Variants in RNF170 observed in about 807,000 individuals in gnomAD.
RNF170 encodes the protein E3 ubiquitin-protein ligase RNF170.
In RNF170, 12 loss-of-function variants were observed where a neutral mutation model predicts 32.7. That is an observed-to-expected ratio of 0.37 (90% CI 0.24 to 0.60). The LOEUF (loss-of-function observed/expected upper bound fraction) is 0.60. Ranked by LOEUF, RNF170 falls within the 20% of genes least tolerant of loss-of-function variation. The pLI, the probability that RNF170 is intolerant of heterozygous loss-of-function variation, is 0.72. For missense variants in RNF170, 212 were observed against 311.2 expected (o/e 0.68, Z 2.40); for synonymous variants, 91 against 103.6 (o/e 0.88, Z 0.74).
chr8:42,861,844 G>A lies in RNF170; in HGVS notation c.408C>T (p.Leu136=), dbSNP rs781762678. ...CPICRQTVTL[L]LTVFGEDDQS... is the part of the protein sequence containing the mutation. ...GATCATCTTCACCAAATACTGTTAG[G>A]AGTAAGGTTACCTGTATATTACAGA... Residue 136 remains leucine, a synonymous_variant, in exon 6 of 7, where the codon CTC becomes CTT. Coordinates refer to ENST00000527424, the MANE Select transcript of RNF170 (RefSeq NM_030954.4). The A allele has an allele frequency of 7.4e-6, 12 of 1,612,992 alleles. No homozygotes were observed. In the South Asian group the frequency reaches 1.3e-4, roughly 18 times the overall value.
intron 4 of RNF170, among the ~76,000 whole-genome samples, chr8:42,869,345 T>C (rs893345894): frequency 6.6e-6 from 1 of 152,114 alleles, no homozygotes; most frequent in Non-Finnish European, 1.5e-5. Context: ...TAAGAAGCCA[T>C]AGAAGATTTT....
intron 2 of RNF170, among the ~76,000 whole-genome samples, chr8:42,886,314 C>T (rs1157371390): frequency 6.6e-6 from 1 of 152,094 alleles, no homozygotes; most frequent in Admixed American, 6.5e-5. Context: ...TATATTAAAA[C>T]ATTAGTCAGG....
intron 4 of RNF170, among the ~76,000 whole-genome samples, chr8:42,867,969 AGT>A (rs1804243464): frequency 6.6e-6 from 1 of 152,058 alleles, no homozygotes; most frequent in Non-Finnish European, 1.5e-5. Context: ...GTCGGAAAGG[AGT>A]GTCACGTGGA....
chr8:42,886,673 T>C (rs1397533723), intron 2 of RNF170, among the ~76,000 whole-genome samples: 2 of 151,874 alleles, frequency 1.3e-5, no homozygotes, highest in African/African-American at 4.8e-5. Context: ...GTGATCCGCC[T>C]GCCTCAGCCT....
chr8:42,896,418 G>T (rs1364188685), intron 1 of RNF170, 66 bp downstream of exon 1: 1 of 451,688 alleles, frequency 2.2e-6, no homozygotes, highest in Admixed American at 2.4e-5. Context: ...AAGAAGGCCA[G>T]ACCCCGCCGT....
At chr8:42,896,968 G>T, upstream of RNF170, 1 of 433,138 alleles carries the variant, frequency 2.3e-6, no homozygotes, top group Non-Finnish European at 3.9e-6. Context: ...GGCGCTGGGG[G>T]TGACGGTGCG....
chr8:42,861,622 C>T (rs777574485), intron 6 of RNF170, 123 bp downstream of exon 6: 11 of 788,106 alleles, frequency 1.4e-5, no homozygotes, highest in South Asian at 1.3e-4. Context: ...GGATTATAGG[C>T]GTTAGCTACT....
At chr8:42,857,058 G>A (rs1212557404) in intron 6 of RNF170, among the ~76,000 whole-genome samples, 1 of 152,246 alleles carries the variant, frequency 6.6e-6, no homozygotes, top group Admixed American at 6.5e-5. Context: ...GGCTTAAATA[G>A]TTTAAGAATA....
At chr8:42,879,375 A>C (rs1805199253) in intron 2 of RNF170, among the ~76,000 whole-genome samples, 1 of 152,048 alleles carries the variant, frequency 6.6e-6, no homozygotes, top group Non-Finnish European at 1.5e-5. Context: ...TTTTTTGGCC[A>C]GGTGTGGTGG....
chr8:42,853,090 C>T (rs188282599), downstream of RNF170, among the ~76,000 whole-genome samples: 177 of 152,004 alleles, frequency 1.2e-3, no homozygotes, highest in African/African-American at 4.2e-3. Flanking sequence ...TGTAACACTG[C>T]ACTCCAACCT....
intron 6 of RNF170, among the ~76,000 whole-genome samples, chr8:42,858,606 C>A (rs1393905016): frequency 6.6e-6 from 1 of 152,138 alleles, no homozygotes; most frequent in East Asian, 1.9e-4. Flanking sequence ...AGGAAAGGTA[C>A]AGAGGGCGCC....
At position 42,861,809 on chromosome 8, in the gene RNF170, T is replaced by A; in HGVS notation, c.443A>T (p.Asp148Val). 5 of 1,613,930 alleles carry A rather than the reference T, an allele frequency of 3.1e-6. No homozygotes were observed. Among genetic ancestry groups the A allele is most frequent in the Non-Finnish European group, 4.2e-6 (5 of 1,179,930 alleles). The change falls in exon 6 of 7, where the codon GAT (aspartate) becomes GTT (valine). Residue 148 changes from aspartate to valine, a missense_variant. Physicochemically the swap from Asp to Val is radical, Grantham distance 152. Transcript: ENST00000527424. ...AATATCCTGATGCAATCTCAGAACA[T>A]CCTGAGACTGATCATCTTCACCAAA... ...TVFGEDDQSQ[D>V]VLRLHQDIND...
Position 42,856,115 on chromosome 8 carries a change from A to G in RNF170, c.*44T>C, listed in dbSNP as rs764390989. 5.6e-6 allele frequency: 9 copies of G among 1,609,576 alleles called. No homozygotes were observed. Among genetic ancestry groups the G allele is most frequent in the South Asian group, 1.1e-5 (1 of 90,230 alleles). On this transcript the variant is annotated 3_prime_UTR_variant, in exon 7 of 7. Coordinates refer to ENST00000527424, the MANE Select transcript of RNF170 (RefSeq NM_030954.4). ...CATGGGTCCTTCTGTTTGATGTTCT[A>G]CATTAGCTCAGATATCCTAGTAAAC...
chr8:42,867,953 G>A (rs955457315), intron 4 of RNF170, among the ~76,000 whole-genome samples: 3 of 152,082 alleles, frequency 2.0e-5, no homozygotes, highest in Non-Finnish European at 2.9e-5. Context: ...AACAGCAAGG[G>A]CAAATGTCGG....
chr8:42,853,477 G>A lies in RNF170; in HGVS notation c.*2682C>T, dbSNP rs750281595. On this transcript the variant is annotated 3_prime_UTR_variant, in exon 7 of 7. Coordinates refer to ENST00000527424, the MANE Select transcript of RNF170 (RefSeq NM_030954.4). ...TTGTACCTCTCAAACACTGAGAATT[G>A]TAGTAGTTGAAACCACTGTTCTAGT... The A allele has an allele frequency of 3.0e-5, 39 of 1,286,962 alleles. No individual in the cohort carries two copies. The African/African-American group carries it at 5.9e-4, about 20-fold the overall frequency. 79.7% of individuals were successfully genotyped at this position (1,286,962 alleles called of 1,614,324 possible). A position where few individuals can be genotyped will look rare whatever the true frequency, so the allele number is the denominator to read the frequency against.
At chr8:42,877,787 A>C (rs1805071142) in intron 2 of RNF170, among the ~76,000 whole-genome samples, 1 of 152,244 alleles carries the variant, frequency 6.6e-6, no homozygotes, top group Non-Finnish European at 1.5e-5. Context: ...ATGACTTCTC[A>C]AAATCAGAAA....
At position 42,854,073 on chromosome 8, in the gene RNF170, C is replaced by T; in HGVS notation, c.*2086G>A. 1 of 1,287,212 alleles carries T rather than the reference C, an allele frequency of 7.8e-7. No homozygotes were observed. The allele number at this position is 1,287,212 out of a possible 1,614,324, so 79.7% of individuals were successfully genotyped here. A position where few individuals can be genotyped will look rare whatever the true frequency, so the allele number is the denominator to read the frequency against. On this transcript the variant is annotated 3_prime_UTR_variant, in exon 7 of 7. Coordinates refer to ENST00000527424, the MANE Select transcript of RNF170 (RefSeq NM_030954.4). ...TGGCAGTGTGACAAACTCCTACTCA[C>T]TCGCTTTTCAAGTTGGTGACTGCAG...
chr8:42,893,726 T>G (rs1176699453), intron 1 of RNF170, among the ~76,000 whole-genome samples: 1 of 152,208 alleles, frequency 6.6e-6, no homozygotes, highest in Non-Finnish European at 1.5e-5. Flanking sequence ...AAACTAGCCA[T>G]GTTTTGATAT....
At chr8:42,878,569 A>G (rs1422686021) in intron 2 of RNF170, among the ~76,000 whole-genome samples, 2 of 152,220 alleles carry the variant, frequency 1.3e-5, no homozygotes, top group African/African-American at 4.8e-5. Context: ...ACAGAAGAAA[A>G]GTTGAAAGCT....
Sources: gnomAD v4.1 joint callset for allele counts (sites outside exome capture counted in the v4.1 genomes callset) on GRCh38, gnomAD v4.1.1 for gene constraint, MANE v1.5 for transcripts, NCBI Gene and HGNC (gene_info 2026-07-23, HGNC 2026-07-21) for gene names.